PIK3R3: variants seen among roughly 807,000 people sequenced by gnomAD.
PIK3R3 encodes phosphatidylinositol 3-kinase regulatory subunit gamma.
Under a neutral mutation model 62.9 loss-of-function variants are expected in PIK3R3, and 64 were observed. The ratio of observed to expected loss-of-function variants is 1.02; its 90% CI spans 0.83 to 1.25. The LOEUF is 1.25. Among genes scored for constraint, PIK3R3 ranks in the 50% most tolerant of loss-of-function variants. The probability of loss-of-function intolerance (pLI) is 0.00; values close to 1 mark genes in which losing one functional copy is unlikely to be tolerated. For missense variants in PIK3R3, 614 were observed against 561.6 expected (o/e 1.09, Z -0.94); for synonymous variants, 165 against 189.0 (o/e 0.87, Z 1.04).
At chr1:46,050,233 A>G (rs1647242635) in intron 7 of PIK3R3, among the ~76,000 whole-genome samples, 1 of 152,172 alleles carries the variant, frequency 6.6e-6, no homozygotes, top group Non-Finnish European at 1.5e-5. Flanking sequence ...TACTTTAAAA[A>G]GAAAAATCAC....
intron 1 of PIK3R3, among the ~76,000 whole-genome samples, chr1:46,118,543 C>A (rs1199577030): frequency 6.6e-6 from 1 of 151,550 alleles, no homozygotes; most frequent in Non-Finnish European, 1.5e-5. Context: ...ACCACCCATA[C>A]CATTACTTGT....
chr1:46,094,918 G>A lies in PIK3R3; in HGVS notation c.107-14168C>T, dbSNP rs1651976321. Reference sequence around the variant, plus strand: ...ATTTCCAGCAGGTAGTTTTAGTTGAGTTTCTTGGCTCAGCAAAATTAAACG... The same window carrying A: ...ATTTCCAGCAGGTAGTTTTAGTTGAATTTCTTGGCTCAGCAAAATTAAACG... On this transcript the variant is annotated intron_variant, in intron 1 of 9. Coordinates refer to ENST00000262741, the MANE Select transcript of PIK3R3 (RefSeq NM_003629.4). Among the ~76,000 whole-genome samples, 3 of 152,328 alleles carry A rather than the reference G, an allele frequency of 2.0e-5. No individual in the cohort carries two copies. In the South Asian group the frequency reaches 6.2e-4, roughly 32 times the overall value.
At position 46,124,796 on chromosome 1, in the gene PIK3R3, C is replaced by CA. The variant is rs55985922; in HGVS notation, c.106+7050dup. Among the ~76,000 whole-genome samples the CA allele has an allele frequency of 8.2e-3, 883 of 108,284 alleles. 9 individuals are homozygous for CA. Among genetic ancestry groups the CA allele is most frequent in the African/African-American group, 0.026 (734 of 27,734 alleles). The allele number at this position is 108,284 out of a possible 152,430, so 71.0% of individuals were successfully genotyped here. On this transcript the variant is annotated intron_variant, in intron 1 of 9. Coordinates refer to ENST00000262741, the MANE Select transcript of PIK3R3 (RefSeq NM_003629.4). ...GGGCAATAAGGGTGAAACTCTTTTT[C>CA]AAAAAAAAAAAAAAAAAAAGGCCGG...
chr1:46,098,867 A>ATT (rs59197560), intron 1 of PIK3R3, among the ~76,000 whole-genome samples: 14 of 151,100 alleles, frequency 9.3e-5, no homozygotes, highest in African/African-American at 1.2e-4. Context: ...TGCTTAGCTA[A>ATT]TTTTTTTTTA....
intron 1 of PIK3R3, among the ~76,000 whole-genome samples, chr1:46,081,885 T>C (rs1470269758): frequency 6.6e-6 from 1 of 152,066 alleles, no homozygotes; most frequent in Non-Finnish European, 1.5e-5. Flanking sequence ...AACAGCGAAC[T>C]GGAAGGGGCT....
At chr1:46,052,871 G>A (rs1411075933) in intron 7 of PIK3R3, among the ~76,000 whole-genome samples, 1 of 152,006 alleles carries the variant, frequency 6.6e-6, no homozygotes, top group Non-Finnish European at 1.5e-5. Context: ...ATCCAAAGAG[G>A]GCTTAAAGAA....
the PIK3R3 span, among the ~76,000 whole-genome samples, chr1:46,142,677 G>A: frequency 1.4e-4 from 21 of 150,848 alleles, no homozygotes; most frequent in Non-Finnish European, 2.8e-4. Flanking sequence ...CAGCCTGGGC[G>A]ACACAGCAAG....
At chr1:46,164,628 TCAA>T in the PIK3R3 span, among the ~76,000 whole-genome samples, 1 of 152,070 alleles carries the variant, frequency 6.6e-6, no homozygotes, top group Non-Finnish European at 1.5e-5. Context: ...AAACTCCGTC[TCAA>T]CAACAACAAA....
In PIK3R3 at chr1:46,061,913, T is replaced by C; in HGVS notation, c.764+16A>G. 6.2e-7 allele frequency: 1 copy of C among 1,608,484 alleles called. No individual in the cohort carries two copies. The highest frequency in any genetic ancestry group is 8.5e-7 in the Non-Finnish European group (1 of 1,175,428). On this transcript the variant is annotated intron_variant, in intron 6 of 9. Coordinates refer to ENST00000262741, the MANE Select transcript of PIK3R3 (RefSeq NM_003629.4). Reference sequence around the variant, plus strand: ...CCTGTCTCACTGATGCCCTTGGAGGTACTAAGTAGACTTACCGTTCAATCT... The same window carrying C: ...CCTGTCTCACTGATGCCCTTGGAGGCACTAAGTAGACTTACCGTTCAATCT...
At chr1:46,052,943 G>A (rs1647498287) in intron 7 of PIK3R3, among the ~76,000 whole-genome samples, 1 of 152,126 alleles carries the variant, frequency 6.6e-6, no homozygotes, top group Non-Finnish European at 1.5e-5. Context: ...AACAAGACCA[G>A]AGAGAGATCA....
chr1:46,165,832 C>A, the PIK3R3 span, among the ~76,000 whole-genome samples: 2 of 115,386 alleles, frequency 1.7e-5, no homozygotes, highest in African/African-American at 6.7e-5. Context: ...AGTGCAGTGG[C>A]GCGATCTCGG....
intron 1 of PIK3R3, among the ~76,000 whole-genome samples, chr1:46,099,120 A>C (rs2149439225): frequency 6.6e-6 from 1 of 152,348 alleles, no homozygotes; most frequent in East Asian, 1.9e-4. Flanking sequence ...GTGGTTAAAA[A>C]CACTTTTAAA....
At chr1:46,075,058 A>G (rs1649942101) in intron 3 of PIK3R3, among the ~76,000 whole-genome samples, 1 of 152,208 alleles carries the variant, frequency 6.6e-6, no homozygotes, top group South Asian at 2.1e-4. Context: ...CACTTCGTCC[A>G]GCAATATTAG....
At chr1:46,142,702 T>TA in the PIK3R3 span, among the ~76,000 whole-genome samples, 123 of 108,488 alleles carry the variant, frequency 1.1e-3, 1 homozygote, top group Admixed American at 1.6e-3. Flanking sequence ...CGTCTCAAAA[T>TA]AAAAAAAAAA....
the PIK3R3 span, among the ~76,000 whole-genome samples, chr1:46,162,684 C>T: frequency 6.6e-6 from 1 of 152,086 alleles, no homozygotes; most frequent in Non-Finnish European, 1.5e-5. Flanking sequence ...TACAGTGACA[C>T]AATCTCGACT....
chr1:46,070,209 G>C (rs1202335504), intron 3 of PIK3R3, among the ~76,000 whole-genome samples: 1 of 152,210 alleles, frequency 6.6e-6, no homozygotes, highest in Admixed American at 6.5e-5. Flanking sequence ...ATCCAACAAA[G>C]AGGACAAGAT....
At chr1:46,171,058 G>C in the PIK3R3 span, among the ~76,000 whole-genome samples, 1 of 152,150 alleles carries the variant, frequency 6.6e-6, no homozygotes, top group Non-Finnish European at 1.5e-5. Flanking sequence ...GTTGGTAATA[G>C]TAGTCAGCAC....
intron 1 of PIK3R3, among the ~76,000 whole-genome samples, chr1:46,094,778 A>G (rs1005224406): frequency 2.0e-5 from 3 of 152,214 alleles, no homozygotes; most frequent in African/African-American, 7.2e-5. Context: ...CTAAATCCCA[A>G]TCCCAAATCA....
upstream of PIK3R3, among the ~76,000 whole-genome samples, chr1:46,135,105 G>T (rs1189671982): frequency 6.6e-6 from 1 of 152,238 alleles, no homozygotes; most frequent in African/African-American, 2.4e-5. Flanking sequence ...CCTGTGAGAT[G>T]ATTCTGGTCT....
Sources: allele counts gnomAD v4.1 joint callset (sites outside exome capture counted in the v4.1 genomes callset), GRCh38; gene constraint gnomAD v4.1.1; transcripts MANE v1.5; gene names NCBI Gene and HGNC (gene_info 2026-07-23, HGNC 2026-07-21).